KLF12: variants seen among roughly 807,000 people sequenced by gnomAD.
KLF12 encodes the protein KLF transcription factor 12, also known as Krueppel-like factor 12.
In KLF12, 9 loss-of-function variants were observed where a neutral mutation model predicts 37.8. The observed-to-expected ratio is 0.24, with a 90% CI of 0.14 to 0.42. The LOEUF (loss-of-function observed/expected upper bound fraction) is 0.42. Among genes scored for constraint, KLF12 ranks in the 10% least tolerant of loss-of-function variants. KLF12 has a pLI of 1.00. For missense variants in KLF12, 411 were observed against 516.0 expected (o/e 0.80, Z 1.97); for synonymous variants, 208 against 202.1 (o/e 1.03, Z -0.25).
chr13:73,894,933 G>A (rs762973703), intron 3 of KLF12, among the ~76,000 whole-genome samples: 13 of 152,168 alleles, frequency 8.5e-5, no homozygotes, highest in East Asian at 3.9e-4. Flanking sequence ...ATTTATCAAC[G>A]GATTTCCTTT....
intron 5 of KLF12, among the ~76,000 whole-genome samples, chr13:73,799,126 G>A (rs1882150491): frequency 6.6e-6 from 1 of 152,096 alleles, no homozygotes; most frequent in South Asian, 2.1e-4. Flanking sequence ...GGATGGAGTT[G>A]GAGGTCATTA....
chr13:73,775,917 GC>G (rs1156817403), intron 5 of KLF12, among the ~76,000 whole-genome samples: 1 of 152,120 alleles, frequency 6.6e-6, no homozygotes, highest in Non-Finnish European at 1.5e-5. Flanking sequence ...AGGTGTTATA[GC>G]TCACTAAGCT....
At chr13:73,721,974 C>A (rs547113846) in intron 6 of KLF12, among the ~76,000 whole-genome samples, 2 of 152,020 alleles carry the variant, frequency 1.3e-5, no homozygotes, top group African/African-American at 4.8e-5. Flanking sequence ...AAAATTAGTC[C>A]CTTCCCTGAC....
intron 3 of KLF12, among the ~76,000 whole-genome samples, chr13:73,896,306 G>A (rs759730674): frequency 2.0e-5 from 3 of 152,174 alleles, no homozygotes; most frequent in Non-Finnish European, 4.4e-5. Context: ...CAATTAACTA[G>A]CTTTAAAATT....
In KLF12 at chr13:74,066,569, A is replaced by G. The variant is rs140049933; in HGVS notation, c.-32+67170T>C. ...CTCAGGAGGCTAAGGTGGGAGAACG[A>G]CTTGGGCCTGCCTAGAAGGTTGATG... On this transcript the variant is annotated intron_variant, in intron 1 of 7. Transcript: ENST00000377669. Among the ~76,000 whole-genome samples the G allele has an allele frequency of 2.1e-4, 32 of 152,282 alleles. No individual in the cohort carries two copies. The East Asian group carries it at 5.8e-3, about 28-fold the overall frequency.
chr13:74,049,813 G>A (rs1339087365), intron 1 of KLF12, among the ~76,000 whole-genome samples: 3 of 152,128 alleles, frequency 2.0e-5, no homozygotes, highest in Admixed American at 6.5e-5. Flanking sequence ...CTCATTCTCC[G>A]AACTCAGGAA....
chr13:74,264,865 T>C, the KLF12 span, among the ~76,000 whole-genome samples: 1 of 152,170 alleles, frequency 6.6e-6, no homozygotes, highest in Non-Finnish European at 1.5e-5. Flanking sequence ...AAAAAGTGAA[T>C]AAATGTAGTC....
chr13:74,162,272 A>G, the KLF12 span, among the ~76,000 whole-genome samples: 84 of 152,334 alleles, frequency 5.5e-4, no homozygotes, highest in African/African-American at 2.0e-3. Context: ...TTCTTTGCCT[A>G]CTGTCCTCCT....
At chr13:74,106,475 T>C (rs1020255406) in intron 1 of KLF12, among the ~76,000 whole-genome samples, 2 of 152,222 alleles carry the variant, frequency 1.3e-5, no homozygotes, top group Non-Finnish European at 2.9e-5. Flanking sequence ...CCACTTCTTT[T>C]ACTCAACACT....
the KLF12 span, among the ~76,000 whole-genome samples, chr13:74,252,977 G>GTCTATCTATCTA: frequency 6.1e-5 from 9 of 147,208 alleles, no homozygotes; most frequent in Admixed American, 6.8e-5. Context: ...TCTGTCATCT[G>GTCTATCTATCTA]TCTATCTATC....
At chr13:74,303,780 G>A in the KLF12 span, among the ~76,000 whole-genome samples, 16 of 152,122 alleles carry the variant, frequency 1.1e-4, no homozygotes, top group Non-Finnish European at 1.8e-4. Context: ...AGAAATGCTG[G>A]AATTGGAGCT....
chr13:74,253,017 ATCTATCTGTCTG>A, the KLF12 span, among the ~76,000 whole-genome samples: 263 of 110,000 alleles, frequency 2.4e-3, 4 homozygotes, highest in African/African-American at 9.0e-3. Flanking sequence ...CTATCTATCT[ATCTATCTGTCTG>A]TCTATCTACC....
At chr13:73,860,207 A>G (rs189895863) in intron 3 of KLF12, among the ~76,000 whole-genome samples, 57 of 152,314 alleles carry the variant, frequency 3.7e-4, no homozygotes, top group Admixed American at 1.8e-3. Context: ...CTCCAGCTGT[A>G]CCAGATTCCA....
At position 73,694,663 on chromosome 13, in the gene KLF12, C is replaced by A. The variant is rs41286098; in HGVS notation, c.*827G>T. The A allele has an allele frequency of 6.0e-3, 913 of 152,768 alleles. 4 individuals carry two copies. Among genetic ancestry groups the A allele is most frequent in the Middle Eastern group, 0.027 (8 of 294 alleles). The allele number at this position is 152,768 out of a possible 1,614,324, so 9.5% of individuals were successfully genotyped here. ...GCAGGAAGAGATGATGCCTAGGTGA[C>A]AGAACACTGCAATTTGAAGTGGGGC... On this transcript the variant is annotated 3_prime_UTR_variant, in exon 8 of 8. Coordinates refer to ENST00000377669, the MANE Select transcript of KLF12 (RefSeq NM_007249.5).
At chr13:73,775,949 A>G (rs1348673614) in intron 5 of KLF12, among the ~76,000 whole-genome samples, 1 of 152,216 alleles carries the variant, frequency 6.6e-6, no homozygotes, top group East Asian at 1.9e-4. Context: ...TCCTTTGAAT[A>G]GAACAAAATT....
the KLF12 span, among the ~76,000 whole-genome samples, chr13:74,284,018 C>T: frequency 2.2e-4 from 34 of 151,976 alleles, 1 homozygote; most frequent in South Asian, 5.8e-3. Flanking sequence ...CCTCCATGCC[C>T]GGCTAATTTT....
At chr13:73,732,078 AC>A (rs998928348) in intron 6 of KLF12, among the ~76,000 whole-genome samples, 10 of 125,372 alleles carry the variant, frequency 8.0e-5, no homozygotes, top group African/African-American at 3.1e-4. Flanking sequence ...GTAATTATTA[AC>A]CCTATTTTTT....
chr13:73,749,700 G>A (rs905289297), intron 6 of KLF12, among the ~76,000 whole-genome samples: 9 of 152,210 alleles, frequency 5.9e-5, no homozygotes, highest in East Asian at 5.8e-4. Context: ...GGCCAAAAAC[G>A]TAAAAATCAG....
intron 3 of KLF12, among the ~76,000 whole-genome samples, chr13:73,886,843 T>A (rs1002769735): frequency 1.3e-5 from 2 of 151,912 alleles, no homozygotes; most frequent in East Asian, 1.9e-4. Context: ...AATACAAACA[T>A]TAGCTGGGCG....
Sources: allele counts gnomAD v4.1 joint callset (sites outside exome capture counted in the v4.1 genomes callset), GRCh38; gene constraint gnomAD v4.1.1; transcripts MANE v1.5; gene names NCBI Gene and HGNC (gene_info 2026-07-23, HGNC 2026-07-21).